FAM107B: variants seen among roughly 807,000 people sequenced by gnomAD.
FAM107B encodes the protein protein FAM107B.
FAM107B carries 21 observed loss-of-function variants against 31.5 expected under a neutral mutation model. That is an observed-to-expected ratio of 0.67 (90% confidence interval 0.47 to 0.96). The LOEUF is 0.96. Among genes scored for constraint, FAM107B ranks in the 40% least tolerant of loss-of-function variants. The probability of loss-of-function intolerance (pLI) is 0.00; values close to 1 mark genes in which losing one functional copy is unlikely to be tolerated. For missense variants in FAM107B, 452 were observed against 377.1 expected (o/e 1.20, Z -1.64); for synonymous variants, 157 against 141.5 (o/e 1.11, Z -0.78).
At position 14,707,756 on chromosome 10, in the gene FAM107B, T is replaced by C. The variant is rs149290425; in HGVS notation, c.412-40065A>G. ...TGTTAAAATCGCTTTGCTTTTCCCA[T>C]CCATAAACATGGCTCCCAACTCCCA... is the stretch of plus-strand genomic sequence containing the variant. On this transcript the variant is annotated intron_variant, in intron 1 of 4. Transcript: ENST00000181796. Among the ~76,000 whole-genome samples the C allele has an allele frequency of 1.5e-3, 221 of 152,330 alleles. 2 individuals carry two copies. The highest frequency in any genetic ancestry group is 5.0e-4 in the Non-Finnish European group (34 of 68,030).
At chr10:14,767,825 T>C (rs990398852) in intron 1 of FAM107B, among the ~76,000 whole-genome samples, 3 of 151,966 alleles carry the variant, frequency 2.0e-5, no homozygotes, top group African/African-American at 7.3e-5. Flanking sequence ...ACCAGAGCAA[T>C]GAAGCAAGAA....
intron 2 of FAM107B, among the ~76,000 whole-genome samples, chr10:14,583,041 C>T (rs539864935): frequency 6.1e-4 from 91 of 149,498 alleles, no homozygotes; most frequent in South Asian, 4.0e-3. Context: ...AAGCGGAGAT[C>T]GCGCCACTGC....
intron 1 of FAM107B, among the ~76,000 whole-genome samples, chr10:14,749,703 T>G (rs1832790557): frequency 6.6e-6 from 1 of 152,106 alleles, no homozygotes; most frequent in South Asian, 2.1e-4. Context: ...CTCTCCCCAT[T>G]GCCCTCTTCC....
At chr10:14,752,148 C>A (rs1429884950) in intron 1 of FAM107B, among the ~76,000 whole-genome samples, 1 of 152,198 alleles carries the variant, frequency 6.6e-6, no homozygotes, top group Non-Finnish European at 1.5e-5. Context: ...CCGCAGGGAG[C>A]CTAAGCCATG....
chr10:14,555,090 T>C (rs1164300948), intron 2 of FAM107B, among the ~76,000 whole-genome samples: 1 of 152,206 alleles, frequency 6.6e-6, no homozygotes, highest in Non-Finnish European at 1.5e-5. Context: ...TTTTACATTA[T>C]AAATATACAA....
At chr10:14,747,166 A>G (rs1342419704) in intron 1 of FAM107B, among the ~76,000 whole-genome samples, 2 of 151,916 alleles carry the variant, frequency 1.3e-5, no homozygotes, top group African/African-American at 4.8e-5. Context: ...TCCTCTCTAA[A>G]CTGGTTATTC....
At chr10:14,708,823 AG>A (rs1258286402) in intron 1 of FAM107B, among the ~76,000 whole-genome samples, 1 of 152,234 alleles carries the variant, frequency 6.6e-6, no homozygotes. Flanking sequence ...AATGAGCAAA[AG>A]ATCTGAACAT....
At chr10:14,742,660 C>G (rs1282767552) in intron 1 of FAM107B, among the ~76,000 whole-genome samples, 1 of 152,116 alleles carries the variant, frequency 6.6e-6, no homozygotes, top group Non-Finnish European at 1.5e-5. Context: ...TGCATGCATT[C>G]AAAGACCAGT....
At chr10:14,656,062 A>C (rs1854045259) in intron 2 of FAM107B, among the ~76,000 whole-genome samples, 1 of 152,150 alleles carries the variant, frequency 6.6e-6, no homozygotes, top group Non-Finnish European at 1.5e-5. Flanking sequence ...TCGCTGATAT[A>C]AACAATTGAT....
intron 1 of FAM107B, among the ~76,000 whole-genome samples, chr10:14,767,619 C>T (rs978092189): frequency 1.3e-5 from 2 of 149,276 alleles, no homozygotes; most frequent in Non-Finnish European, 2.9e-5. Context: ...ATTCAACACC[C>T]TTTCATAATA....
At chr10:14,674,797 C>A (rs1246278667) in intron 1 of FAM107B, among the ~76,000 whole-genome samples, 1 of 152,148 alleles carries the variant, frequency 6.6e-6, no homozygotes, top group East Asian at 1.9e-4. Flanking sequence ...TGCAGTGGTA[C>A]AATCTTTACC....
intron 2 of FAM107B, among the ~76,000 whole-genome samples, chr10:14,582,207 C>T (rs553197716): frequency 9.2e-5 from 14 of 152,140 alleles, no homozygotes; most frequent in South Asian, 2.1e-4. Context: ...TTGCTATCCC[C>T]GTAAATATAC....
chr10:14,538,996 T>A (rs1847913876), intron 2 of FAM107B, among the ~76,000 whole-genome samples: 1 of 152,242 alleles, frequency 6.6e-6, no homozygotes, highest in Admixed American at 6.5e-5. Context: ...TGAAAACTCA[T>A]GGAAAACATC....
At chr10:14,560,319 T>C (rs1391198469) in intron 2 of FAM107B, among the ~76,000 whole-genome samples, 1 of 152,236 alleles carries the variant, frequency 6.6e-6, no homozygotes, top group Non-Finnish European at 1.5e-5. Context: ...GTCTTTCATC[T>C]TTCTGTAAAA....
chr10:14,572,170 C>A, intron 2 of FAM107B: 2 of 985,386 alleles, frequency 2.0e-6, no homozygotes, highest in Non-Finnish European at 2.4e-6. Context: ...TCATCCGGCA[C>A]AGAAGCCAGA....
At chr10:14,699,698 G>C (rs1307724072) in intron 1 of FAM107B, among the ~76,000 whole-genome samples, 4 of 152,134 alleles carry the variant, frequency 2.6e-5, no homozygotes, top group South Asian at 2.1e-4. Context: ...AGCTATCTGG[G>C]CACCACTTAG....
At position 14,686,321 on chromosome 10, in the gene FAM107B, G is replaced by A. The variant is rs971074199; in HGVS notation, c.412-18630C>T. Among the ~76,000 whole-genome samples, 4 of 151,740 alleles carry A rather than the reference G, an allele frequency of 2.6e-5. No homozygotes were observed. In the East Asian group the frequency reaches 5.8e-4, roughly 22 times the overall value. On this transcript the variant is annotated intron_variant, in intron 1 of 4. Transcript: ENST00000181796. The stretch of plus-strand genomic sequence containing the variant: ...GGAGAATCACTTGAACCCAGGAGGC[G>A]GAGATTGCAGTGAGCTGAGATTGCA...
At chr10:14,524,497 G>A (rs534901079) in intron 3 of FAM107B, among the ~76,000 whole-genome samples, 22 of 152,194 alleles carry the variant, frequency 1.4e-4, no homozygotes, top group Non-Finnish European at 2.9e-4. Flanking sequence ...TTTAATTATG[G>A]TTTATTTCAC....
At chr10:14,570,789 G>C (rs921954612) in intron 2 of FAM107B, among the ~76,000 whole-genome samples, 1 of 130,932 alleles carries the variant, frequency 7.6e-6, no homozygotes, top group South Asian at 2.8e-4. Context: ...ATGACAGAGT[G>C]AGACTCCATC....
Sources: allele counts gnomAD v4.1 joint callset (sites outside exome capture counted in the v4.1 genomes callset), GRCh38; gene constraint gnomAD v4.1.1; transcripts MANE v1.5; gene names NCBI Gene and HGNC (gene_info 2026-07-23, HGNC 2026-07-21).